Variants in WDFY3 observed in about 807,000 individuals in gnomAD.
WDFY3 encodes the protein WD repeat and FYVE domain-containing protein 3.
WDFY3 carries 66 observed loss-of-function variants against 409.6 expected under a neutral mutation model. That is an observed-to-expected ratio of 0.16 (90% CI 0.13 to 0.20). WDFY3 has a LOEUF of 0.20. Ranked by LOEUF, WDFY3 falls within the 10% of genes least tolerant of loss-of-function variation. The pLI is 1.00. For missense variants in WDFY3, 3,031 were observed against 4,298.1 expected, an observed-to-expected ratio of 0.71 and a Z score of 8.24; for synonymous variants, 1,521 against 1,537.1, an observed-to-expected ratio of 0.99 and a Z score of 0.25.
At chr4:84,829,261 CTG>C in intron 8 of WDFY3, 71 bp from the exon 9 acceptor site, 2 of 1,269,822 alleles carry the variant, frequency 1.6e-6, no homozygotes, top group East Asian at 2.5e-5. Flanking sequence ...TAATTGTTAA[CTG>C]TTGTTTAATG....
At chr4:84,832,197 A>G (rs1755839664) in intron 7 of WDFY3, among the ~76,000 whole-genome samples, 1 of 152,204 alleles carries the variant, frequency 6.6e-6, no homozygotes, top group Admixed American at 6.5e-5. Flanking sequence ...CAACATGGAT[A>G]AGCTTGGAGG....
In WDFY3 at chr4:84,733,465, T is replaced by A. The variant is rs1736943004; in HGVS notation, c.7138A>T (p.Met2380Leu). The part of the protein sequence containing the change: ...MLEMTEGPCR[M>L]RKKMVRNDMF... ...TCATTTCGCACCATCTTTTTCCTCA[T>A]CCTGCAGGGCCCTTCTGTCATCTCC... Residue 2380 changes from methionine to leucine, a missense_variant, in exon 44 of 68, where the codon ATG (methionine) becomes TTG (leucine). By Grantham distance (15) the Met-to-Leu change is conservative. Coordinates refer to ENST00000295888, the MANE Select transcript of WDFY3 (RefSeq NM_014991.6). 6.2e-7 allele frequency: 1 copy of A among 1,613,974 alleles called. No homozygotes were observed. The highest frequency in any genetic ancestry group is 1.3e-5 in the African/African-American group (1 of 74,904).
At position 84,735,115 on chromosome 4, in the gene WDFY3, A is replaced by C; in HGVS notation, c.6921T>G (p.Ile2307Met). 1 of 1,612,482 alleles carries C rather than the reference A, an allele frequency of 6.2e-7. No homozygotes were observed. ...CAATGTGAGTAAACATCCACTGCGAAATCTCCTAACAATGGATGGAAAAAG... is the reference window on the plus strand; with the variant it reads ...CAATGTGAGTAAACATCCACTGCGACATCTCCTAACAATGGATGGAAAAAG... ...LNKHSLSTQEISQWMFTHIAV... is the reference protein window; with the variant it reads ...LNKHSLSTQEMSQWMFTHIAV... The change falls in exon 43 of 68, where the codon ATT becomes ATG. Residue 2307 changes from isoleucine to methionine, a missense_variant. Ile to Met is a conservative substitution (Grantham distance 10). Around this residue, in one of 16 missense-constraint regions of WDFY3, gnomAD observed 98 missense variants for 194.9 expected, o/e 0.50. Transcript: ENST00000295888.
chr4:84,867,123 G>A (rs1761496188), intron 3 of WDFY3, among the ~76,000 whole-genome samples: 1 of 152,048 alleles, frequency 6.6e-6, no homozygotes, highest in Non-Finnish European at 1.5e-5. Context: ...CATCATTTCT[G>A]TAACATGCCA....
intron 3 of WDFY3, among the ~76,000 whole-genome samples, chr4:84,873,226 C>T (rs1199842697): frequency 6.6e-6 from 1 of 152,150 alleles, no homozygotes; most frequent in African/African-American, 2.4e-5. Flanking sequence ...GCAGAATACA[C>T]ATTCTTCTCA....
chr4:84,756,820 G>C, intron 33 of WDFY3, 106 bp downstream of exon 33: 5 of 1,249,744 alleles, frequency 4.0e-6, no homozygotes, highest in Non-Finnish European at 5.6e-6. Flanking sequence ...CTTAAATGTG[G>C]GGAAAGTGAT....
intron 5 of WDFY3, among the ~76,000 whole-genome samples, chr4:84,849,083 T>C (rs1486171933): frequency 6.6e-6 from 1 of 152,160 alleles, no homozygotes; most frequent in Non-Finnish European, 1.5e-5. Context: ...TGTATCCTTT[T>C]TTATAAAGCT....
chr4:84,879,736 A>C (rs1763242760), intron 3 of WDFY3, among the ~76,000 whole-genome samples: 1 of 152,222 alleles, frequency 6.6e-6, no homozygotes, highest in East Asian at 1.9e-4. Context: ...ATAATGAACA[A>C]AAAAGCATTA....
rs760074941 is a variant in WDFY3, at chr4:84,672,829, G to C, written c.*39C>G. 28 of 1,612,414 alleles carry C rather than the reference G, an allele frequency of 1.7e-5. No individual in the cohort carries two copies. The highest frequency in any genetic ancestry group is 2.3e-5 in the Non-Finnish European group (27 of 1,179,264). On this transcript the variant is annotated 3_prime_UTR_variant, in exon 68 of 68. Coordinates refer to ENST00000295888, the MANE Select transcript of WDFY3 (RefSeq NM_014991.6). Reference sequence around the variant, plus strand: ...AGCTGGGACAGGAGAATCGGGAAGGGGTCTACAGACCATGGTCTCCACTCA... The same window carrying C: ...AGCTGGGACAGGAGAATCGGGAAGGCGTCTACAGACCATGGTCTCCACTCA...
intron 15 of WDFY3, among the ~76,000 whole-genome samples, chr4:84,804,587 A>G (rs1410624842): frequency 6.6e-6 from 1 of 152,160 alleles, no homozygotes; most frequent in African/African-American, 2.4e-5. Context: ...GCCATTTTTC[A>G]TTCAAAAAGA....
At chr4:84,726,243 A>G (rs1208734522) in intron 45 of WDFY3, among the ~76,000 whole-genome samples, 2 of 152,154 alleles carry the variant, frequency 1.3e-5, no homozygotes, top group Non-Finnish European at 2.9e-5. Flanking sequence ...TTTAAAATTG[A>G]CCTAAAAGAA....
chr4:84,744,797 G>A (rs1460857253), intron 36 of WDFY3, among the ~76,000 whole-genome samples: 3 of 135,748 alleles, frequency 2.2e-5, no homozygotes, highest in Non-Finnish European at 4.6e-5. Flanking sequence ...AGCTTGCAGT[G>A]AGCCGAGATC....
chr4:84,693,180 ATT>A, intron 58 of WDFY3, 148 bp from the exon 59 acceptor site: 1 of 851,188 alleles, frequency 1.2e-6, no homozygotes, highest in Non-Finnish European at 1.8e-6. Context: ...GAGGAAAGAG[ATT>A]CAAAGACGCT....
chr4:84,716,668 G>A (rs113082297), intron 49 of WDFY3, among the ~76,000 whole-genome samples: 27 of 147,714 alleles, frequency 1.8e-4, no homozygotes, highest in African/African-American at 5.7e-4. Flanking sequence ...GCGTGGTGGC[G>A]GGCGCCTATA....
intron 10 of WDFY3, among the ~76,000 whole-genome samples, chr4:84,822,625 T>C (rs1754241973): frequency 6.6e-6 from 1 of 151,894 alleles, no homozygotes; most frequent in South Asian, 2.1e-4. Flanking sequence ...GGCAGGAGGA[T>C]TGCTTGAGCC....
intron 27 of WDFY3, among the ~76,000 whole-genome samples, chr4:84,776,752 T>C (rs1276736389): frequency 6.6e-6 from 1 of 152,114 alleles, no homozygotes; most frequent in Non-Finnish European, 1.5e-5. Flanking sequence ...AAGTGCTTTC[T>C]AAAAGAATAA....
At chr4:84,853,330 C>G (rs893260034) in intron 4 of WDFY3, among the ~76,000 whole-genome samples, 3 of 151,904 alleles carry the variant, frequency 2.0e-5, no homozygotes, top group Admixed American at 6.6e-5. Flanking sequence ...ACCACCACAC[C>G]CGGCTAATTT....
intron 1 of WDFY3, among the ~76,000 whole-genome samples, chr4:84,951,869 A>G (rs905053023): frequency 2.0e-5 from 3 of 152,202 alleles, no homozygotes; most frequent in Non-Finnish European, 4.4e-5. Flanking sequence ...CTGGAATATG[A>G]GGAGACTTTT....
intron 6 of WDFY3, among the ~76,000 whole-genome samples, chr4:84,839,529 G>A (rs554511757): frequency 1.5e-4 from 23 of 151,472 alleles, no homozygotes; most frequent in African/African-American, 5.1e-4. Flanking sequence ...AGGAACACCA[G>A]GACAGGTTGG....
Sources: gnomAD v4.1 joint callset for allele counts (sites outside exome capture counted in the v4.1 genomes callset) on GRCh38, gnomAD v4.1.1 for gene constraint, gnomAD v4.1.1 regional missense constraint, MANE v1.5 for transcripts, NCBI Gene and HGNC (gene_info 2026-07-23, HGNC 2026-07-21) for gene names.